IL10RA: variants seen among roughly 807,000 people sequenced by gnomAD.
IL10RA encodes interleukin-10 receptor subunit alpha.
A neutral mutation model predicts 29.6 loss-of-function variants in IL10RA; 18 were observed. The ratio of observed to expected loss-of-function variants is 0.61; its 90% CI spans 0.42 to 0.90. The LOEUF (loss-of-function observed/expected upper bound fraction) is 0.90, where lower values mean the gene tolerates loss of function less well. IL10RA is among the 40% of genes least tolerant of loss of function. The pLI is 0.00. For synonymous variants in IL10RA, 292 were observed against 294.1 expected (o/e 0.99, Z 0.07); for missense variants, 634 against 716.6 (o/e 0.88, Z 1.32).
rs886205072 is a variant in IL10RA at position 117,999,706 on chromosome 11, G to T, written c.*65G>T. On this transcript the variant is annotated 3_prime_UTR_variant, in exon 7 of 7. Transcript: ENST00000227752. ...CTCCTCTGCCTGGACCAGGAGGAGG[G>T]CCCCTGGGGCAGAAGTTAGGCACGA... 3 of 1,431,514 alleles carry T rather than the reference G, an allele frequency of 2.1e-6. No homozygotes were observed. The highest frequency in any genetic ancestry group is 2.0e-6 in the Non-Finnish European group (2 of 1,020,424). 88.7% of individuals were successfully genotyped at this position (1,431,514 alleles called of 1,614,324 possible).
chr11:117,995,601 C>T lies in IL10RA; in HGVS notation c.701C>T (p.Thr234Ile). Residue 234 changes from threonine to isoleucine, a missense_variant, in exon 6 of 7, where the codon ACC (threonine) becomes ATC (isoleucine). Thr to Ile is a moderately conservative substitution (Grantham distance 89). Transcript: ENST00000227752. ...TCTGGGCCTGCAGATTTCACCGTGA[C>T]CAACGTCATCATCTTCTTTGCCTTT... ...ISLTRQYFTV[T>I]NVIIFFAFVL... 1 of 1,614,198 alleles carries T rather than the reference C, an allele frequency of 6.2e-7. No individual in the cohort carries two copies. The highest frequency in any genetic ancestry group is 1.1e-5 in the South Asian group (1 of 91,084).
chr11:117,991,770 T>A (rs565379262), intron 3 of IL10RA, among the ~76,000 whole-genome samples: 17 of 152,352 alleles, frequency 1.1e-4, no homozygotes, highest in African/African-American at 3.4e-4. Context: ...AGTCTTGCTC[T>A]GTCACCCAGG....
chr11:117,988,953 T>A (rs1254315740), intron 2 of IL10RA, among the ~76,000 whole-genome samples: 1 of 151,808 alleles, frequency 6.6e-6, no homozygotes, highest in Non-Finnish European at 1.5e-5. Context: ...TAGAGACGGG[T>A]TTTCACCATG....
At chr11:117,993,171 G>T (rs539353130) in intron 3 of IL10RA, 70 bp from the exon 4 acceptor site, 4 of 1,416,514 alleles carry the variant, frequency 2.8e-6, no homozygotes, top group Non-Finnish European at 4.0e-6. Flanking sequence ...GCAAAGTCTC[G>T]GCGGGGACAC....
Position 117,989,756 on chromosome 11 carries a change from A to C in IL10RA, c.367+136A>C. 1.2e-6 allele frequency: 1 copy of C among 833,300 alleles called. No individual in the cohort carries two copies. Among genetic ancestry groups the C allele is most frequent in the Non-Finnish European group, 2.0e-6 (1 of 506,584 alleles). 51.6% of individuals were successfully genotyped at this position (833,300 alleles called of 1,614,324 possible). A position where few individuals can be genotyped will look rare whatever the true frequency, so the allele number is the denominator to read the frequency against. ...CCTGGCCGGAGAACTAGTTGCCCAAACAGGGCAGGACTTTGGAGAATGTTA... is the reference window on the plus strand; with the variant it reads ...CCTGGCCGGAGAACTAGTTGCCCAACCAGGGCAGGACTTTGGAGAATGTTA... On this transcript the variant is annotated intron_variant, in intron 3 of 6. Coordinates refer to ENST00000227752, the MANE Select transcript of IL10RA (RefSeq NM_001558.4). This position sits in a 1 kb window ranked among gnomAD's most constrained non-coding sequence, Gnocchi z 4.5.
chr11:117,987,730 A>G (rs767696899), intron 1 of IL10RA: 83 of 161,978 alleles, frequency 5.1e-4, no homozygotes, highest in Non-Finnish European at 9.5e-4. Flanking sequence ...CCTCGGAGCT[A>G]CAGGTGCCAG....
Position 117,999,004 on chromosome 11 carries a change from G to A in IL10RA, c.1100G>A (p.Ser367Asn), listed in dbSNP as rs757452909. 2 of 1,613,758 alleles carry A rather than the reference G, an allele frequency of 1.2e-6. No homozygotes were observed. Among genetic ancestry groups the A allele is most frequent in the South Asian group, 2.2e-5 (2 of 91,078 alleles). The stretch of plus-strand genomic sequence containing the variant: ...AGCTGCAGTAGTGGCAGCAGCAATA[G>A]CACAGACAGCGGGATCTGCCTGCAG... ...GDSCSSGSSN[S>N]TDSGICLQEP... The change falls in exon 7 of 7, where the codon AGC (serine) becomes AAC (asparagine). Residue 367 changes from serine to asparagine, a missense_variant. Ser to Asn is a conservative substitution (Grantham distance 46). Transcript: ENST00000227752.
At chr11:117,988,822 G>A (rs1448547528) in intron 2 of IL10RA, among the ~76,000 whole-genome samples, 3 of 152,106 alleles carry the variant, frequency 2.0e-5, no homozygotes, top group African/African-American at 4.8e-5. Flanking sequence ...GTGCAGTGGC[G>A]CAATCTCAGC....
At chr11:117,991,184 C>T (rs1347516797) in intron 3 of IL10RA, among the ~76,000 whole-genome samples, 4 of 151,604 alleles carry the variant, frequency 2.6e-5, no homozygotes, top group South Asian at 4.2e-4. Flanking sequence ...GGTGACAGAG[C>T]GAGACTCTGT....
rs1591259895 is a variant in IL10RA, at chr11:117,986,476, G to A, written c.9G>A (p.Pro3=). ...GATGCGGCGCGCCCAGGATGCTGCC[G>A]TGCCTCGTAGTGCTGCTGGCGGCGC... ML[P]CLVVLLAALL... Residue 3 remains proline, a synonymous_variant, in exon 1 of 7, where the codon CCG becomes CCA. Coordinates refer to ENST00000227752, the MANE Select transcript of IL10RA (RefSeq NM_001558.4). 1.3e-6 allele frequency: 2 copies of A among 1,554,940 alleles called. No homozygotes were observed. The highest frequency in any genetic ancestry group is 1.2e-5 in the South Asian group (1 of 84,314).
In IL10RA at chr11:117,995,662, G is replaced by A. The variant is rs1033025102; in HGVS notation, c.762G>A (p.Leu254=). 26 of 1,613,998 alleles carry A rather than the reference G, an allele frequency of 1.6e-5. No homozygotes were observed. Among genetic ancestry groups the A allele is most frequent in the Non-Finnish European group, 2.2e-5 (26 of 1,180,026 alleles). The change falls in exon 6 of 7, where the codon CTG becomes CTA. Residue 254 remains leucine (L), a synonymous_variant. Transcript: ENST00000227752. ...LLLSGALAYC[L]ALQLYVRRRK... is the part of the protein sequence containing the mutation. ...TCTCCGGAGCCCTCGCCTACTGCCT[G>A]GCCCTCCAGCTGTATGTGCGGCGCC...
chr11:118,001,523 C>T (rs759715303), downstream of IL10RA: 30 of 380,802 alleles, frequency 7.9e-5, no homozygotes, highest in South Asian at 1.8e-4. Context: ...CACATTGGCT[C>T]ATGGAGGACT....
At position 117,989,361 on chromosome 11, in the gene IL10RA, T is replaced by C; in HGVS notation, c.189-81T>C. On this transcript the variant is annotated intron_variant, in intron 2 of 6. Transcript: ENST00000227752. This position sits in a 1 kb window ranked among gnomAD's most constrained non-coding sequence, Gnocchi z 4.5. ...GTTTCTCCCAATGTGGGAGCTCTCTTCCTGGCCTCTTGCGTCTCCCTTAAA... is the reference window on the plus strand; with the variant it reads ...GTTTCTCCCAATGTGGGAGCTCTCTCCCTGGCCTCTTGCGTCTCCCTTAAA... 7.8e-7 allele frequency: 1 copy of C among 1,285,104 alleles called. No homozygotes were observed. The highest frequency in any genetic ancestry group is 1.1e-6 in the Non-Finnish European group (1 of 880,686). 79.6% of individuals were successfully genotyped at this position (1,285,104 alleles called of 1,614,324 possible).
Position 117,994,197 on chromosome 11 carries a change from C to A in IL10RA, c.688+48C>A, listed in dbSNP as rs1371033183. ...AGCATGGGGAGGGAGACTGGGAGGG[C>A]CTGGTGCAATCCAAAACGCGTGCAC... is the stretch of plus-strand genomic sequence containing the variant. On this transcript the variant is annotated intron_variant, in intron 5 of 6. Coordinates refer to ENST00000227752, the MANE Select transcript of IL10RA (RefSeq NM_001558.4). The A allele has an allele frequency of 1.9e-6, 3 of 1,586,826 alleles. No individual in the cohort carries two copies. In the African/African-American group the frequency reaches 4.0e-5, roughly 21 times the overall value.
intron 4 of IL10RA, 61 bp from the exon 5 acceptor site, chr11:117,993,938 C>A (rs2058040276): frequency 1.3e-5 from 20 of 1,498,190 alleles, no homozygotes; most frequent in Non-Finnish European, 1.9e-5. Flanking sequence ...CCCACCAGCT[C>A]TCAGTGTCCG....
intron 1 of IL10RA, chr11:117,988,104 C>T (rs2057998572): frequency 6.0e-6 from 3 of 501,662 alleles, no homozygotes; most frequent in South Asian, 4.1e-5. Context: ...AGCCCTCGGC[C>T]CCTGCCTTCT....
In IL10RA at chr11:118,001,001, C is replaced by T. The variant is rs888546826; in HGVS notation, c.*1360C>T. The stretch of plus-strand genomic sequence containing the variant: ...AGGGGACAGGCCTGTGCGTGCCATC[C>T]AGAGTCATCTCAGCCCTGCCTTTCT... On this transcript the variant is annotated 3_prime_UTR_variant, in exon 7 of 7. Coordinates refer to ENST00000227752, the MANE Select transcript of IL10RA (RefSeq NM_001558.4). 6 of 454,116 alleles carry T rather than the reference C, an allele frequency of 1.3e-5. No individual in the cohort carries two copies. Among genetic ancestry groups the T allele is most frequent in the Admixed American group, 4.7e-5 (2 of 42,562 alleles). 28.1% of individuals were successfully genotyped at this position (454,116 alleles called of 1,614,324 possible). A position where few individuals can be genotyped will look rare whatever the true frequency, so the allele number is the denominator to read the frequency against.
In IL10RA at chr11:117,994,015, T is replaced by C; in HGVS notation, c.554T>C (p.Val185Ala). 1 of 1,614,012 alleles carries C rather than the reference T, an allele frequency of 6.2e-7. No individual in the cohort carries two copies. The highest frequency in any genetic ancestry group is 8.5e-7 in the Non-Finnish European group (1 of 1,179,886). ...PGNFTFTHKKVKHENFSLLTS... is the reference protein window; with the variant it reads ...PGNFTFTHKKAKHENFSLLTS... ...TTGTTTCAGTTCACACACAAGAAAG[T>C]AAAACATGAAAACTTCAGCCTCCTA... The change falls in exon 5 of 7, where the codon GTA (valine) becomes GCA (alanine). Residue 185 changes from valine to alanine, a missense_variant. Val to Ala is a moderately conservative substitution (Grantham distance 64, BLOSUM62 0). Coordinates refer to ENST00000227752, the MANE Select transcript of IL10RA (RefSeq NM_001558.4).
chr11:118,000,516 T>A lies in IL10RA; in HGVS notation c.*875T>A. Reference sequence around the variant, plus strand: ...TCAGCCCTTTGGGCGGCCTCTGGGCTTGGGCACCAGCTCATGCCAGCCCCA... The same window carrying A: ...TCAGCCCTTTGGGCGGCCTCTGGGCATGGGCACCAGCTCATGCCAGCCCCA... On this transcript the variant is annotated 3_prime_UTR_variant, in exon 7 of 7. Transcript: ENST00000227752. 1 of 454,290 alleles carries A rather than the reference T, an allele frequency of 2.2e-6. No individual in the cohort carries two copies. The highest frequency in any genetic ancestry group is 4.4e-6 in the Non-Finnish European group (1 of 226,788). 28.1% of individuals were successfully genotyped at this position (454,290 alleles called of 1,614,324 possible). A position where few individuals can be genotyped will look rare whatever the true frequency, so the allele number is the denominator to read the frequency against.
Sources: gnomAD v4.1 joint callset for allele counts (sites outside exome capture counted in the v4.1 genomes callset) on GRCh38, gnomAD v4.1.1 for gene constraint, Gnocchi (gnomAD v3.1) non-coding constraint, MANE v1.5 for transcripts, NCBI Gene and HGNC (gene_info 2026-07-23, HGNC 2026-07-21) for gene names.